The following TRIM23 variants were observed in gnomAD, a reference collection of about 807,000 sequenced individuals.
The protein encoded by TRIM23 is tripartite motif containing 23.
Under a neutral mutation model 71.0 loss-of-function variants are expected in TRIM23, and 27 were observed. That is an observed-to-expected ratio of 0.38 (90% CI 0.28 to 0.52). TRIM23 has a LOEUF of 0.52. Among genes scored for constraint, TRIM23 ranks in the 20% least tolerant of loss-of-function variants. The pLI is 0.84. For synonymous variants in TRIM23, 234 were observed against 238.0 expected, an observed-to-expected ratio of 0.98 and a Z score of 0.16; for missense variants, 482 against 692.3, an observed-to-expected ratio of 0.70 and a Z score of 3.41.
At chr5:65,615,895 G>A (rs1354218963) in intron 2 of TRIM23, among the ~76,000 whole-genome samples, 1 of 152,290 alleles carries the variant, frequency 6.6e-6, no homozygotes, top group African/African-American at 2.4e-5. Context: ...TCAGGGATTA[G>A]GGAAGACAAG....
chr5:65,591,083 T>C lies in TRIM23; in HGVS notation c.*686A>G, dbSNP rs1754009398. ...TTCCACAGTTTTATTACTGTTCAGT[T>C]TATTACTAACCTGACAAGCCTAATT... is the stretch of plus-strand genomic sequence containing the variant. On this transcript the variant is annotated 3_prime_UTR_variant, in exon 11 of 11. Transcript: ENST00000231524. 1 of 1,011,642 alleles carries C rather than the reference T, an allele frequency of 9.9e-7. No individual in the cohort carries two copies. The highest frequency in any genetic ancestry group is 1.7e-5 in the African/African-American group (1 of 57,492). The allele number at this position is 1,011,642 out of a possible 1,614,324, so 62.7% of individuals were successfully genotyped here.
intron 2 of TRIM23, among the ~76,000 whole-genome samples, chr5:65,616,641 TA>T (rs746034795): frequency 0.34 from 42,351 of 126,162 alleles, 7,600 homozygotes; most frequent in African/African-American, 0.49. Context: ...CACTCTGCTT[TA>T]AAAAAAAAAA....
In TRIM23 at chr5:65,590,109, G is replaced by A. The variant is rs1258591282; in HGVS notation, c.*1660C>T. 6.8e-6 allele frequency: 3 copies of A among 440,870 alleles called. No individual in the cohort carries two copies. Among genetic ancestry groups the A allele is most frequent in the Admixed American group, 4.2e-5 (1 of 24,012 alleles). The allele number at this position is 440,870 out of a possible 1,614,324, so 27.3% of individuals were successfully genotyped here. A position where few individuals can be genotyped will look rare whatever the true frequency, so the allele number is the denominator to read the frequency against. On this transcript the variant is annotated 3_prime_UTR_variant, in exon 11 of 11. Transcript: ENST00000231524. ...TGCATTACAAAGTTTAGCAAAATTA[G>A]TGAAAAGGGAAGCAAGTTCACCTTA...
At chr5:65,606,213 G>A (rs1461368333) in intron 6 of TRIM23, among the ~76,000 whole-genome samples, 2 of 152,136 alleles carry the variant, frequency 1.3e-5, no homozygotes, top group Non-Finnish European at 2.9e-5. Flanking sequence ...GGAGGCCAAG[G>A]CAGATGGATC....
chr5:65,617,193 A>G (rs1754799133), intron 2 of TRIM23, among the ~76,000 whole-genome samples: 1 of 151,896 alleles, frequency 6.6e-6, no homozygotes, highest in South Asian at 2.1e-4. Flanking sequence ...TAGACTATTT[A>G]TATACATCAA....
At chr5:65,600,069 G>A (rs564045265) in intron 7 of TRIM23, among the ~76,000 whole-genome samples, 1 of 152,052 alleles carries the variant, frequency 6.6e-6, no homozygotes, top group Non-Finnish European at 1.5e-5. Flanking sequence ...AAGAGAGAGG[G>A]TGGGGGAGGT....
chr5:65,605,633 T>C (rs1216604015), intron 6 of TRIM23, among the ~76,000 whole-genome samples: 2 of 152,144 alleles, frequency 1.3e-5, no homozygotes, highest in African/African-American at 4.8e-5. Context: ...TATACATGTA[T>C]TCGTTAAAAA....
At chr5:65,624,172 T>G (rs376925438) in intron 1 of TRIM23, 22 bp downstream of exon 1, 2 of 1,613,958 alleles carry the variant, frequency 1.2e-6, no homozygotes, top group African/African-American at 1.3e-5. Context: ...TGGTGGAGAA[T>G]AGAGCACGCA....
chr5:65,596,941 A>G, intron 8 of TRIM23, 110 bp downstream of exon 8: 1 of 1,356,000 alleles, frequency 7.4e-7, no homozygotes, highest in Non-Finnish European at 1.0e-6. Context: ...GATATCTTAG[A>G]GCCAGAAAAG....
intron 2 of TRIM23, among the ~76,000 whole-genome samples, chr5:65,615,434 A>G (rs1164742371): frequency 6.6e-6 from 1 of 152,172 alleles, no homozygotes; most frequent in Non-Finnish European, 1.5e-5. Flanking sequence ...AACATCTGAT[A>G]TAGCTGCCAC....
chr5:65,607,994 T>C (rs1174093239), intron 6 of TRIM23, among the ~76,000 whole-genome samples: 2 of 152,180 alleles, frequency 1.3e-5, no homozygotes, highest in Non-Finnish European at 2.9e-5. Flanking sequence ...ATTACTTGAA[T>C]AGAAAGAACT....
intron 1 of TRIM23, among the ~76,000 whole-genome samples, chr5:65,619,228 G>A (rs1174723094): frequency 2.0e-5 from 3 of 152,162 alleles, no homozygotes; most frequent in Non-Finnish European, 4.4e-5. Flanking sequence ...CAGAACATGA[G>A]AAACTGTTTC....
chr5:65,616,357 G>GT (rs1253499706), intron 2 of TRIM23, among the ~76,000 whole-genome samples: 1 of 152,108 alleles, frequency 6.6e-6, no homozygotes, highest in African/African-American at 2.4e-5. Flanking sequence ...CTTCAAAAAG[G>GT]TAGAAGAGCC....
At chr5:65,601,835 C>G (rs930204404) in intron 7 of TRIM23, among the ~76,000 whole-genome samples, 2 of 152,138 alleles carry the variant, frequency 1.3e-5, no homozygotes, top group Admixed American at 6.5e-5. Context: ...CCTCTGAAGC[C>G]ACAGCCCGAG....
In TRIM23 at chr5:65,591,288, T is replaced by C; in HGVS notation, c.*481A>G. ...ATCCAAATATGTAGTTTGGATTCTA[T>C]TTCATTAAGCAACTGTCATTTCTAC... On this transcript the variant is annotated 3_prime_UTR_variant, in exon 11 of 11. Coordinates refer to ENST00000231524, the MANE Select transcript of TRIM23 (RefSeq NM_001656.4). The C allele has an allele frequency of 7.3e-7, 1 of 1,374,846 alleles. No individual in the cohort carries two copies. Among genetic ancestry groups the C allele is most frequent in the African/African-American group, 1.5e-5 (1 of 64,994 alleles). 85.2% of individuals were successfully genotyped at this position (1,374,846 alleles called of 1,614,324 possible). A position where few individuals can be genotyped will look rare whatever the true frequency, so the allele number is the denominator to read the frequency against.
At chr5:65,609,110 C>T in intron 6 of TRIM23, 133 bp downstream of exon 6, 1 of 861,410 alleles carries the variant, frequency 1.2e-6, no homozygotes, top group Non-Finnish European at 1.8e-6. Flanking sequence ...TTCAAGGTTG[C>T]AGACCATTTC....
chr5:65,593,052 C>G (rs558100386), intron 10 of TRIM23, among the ~76,000 whole-genome samples: 95 of 152,178 alleles, frequency 6.2e-4, no homozygotes, highest in Middle Eastern at 3.4e-3. Flanking sequence ...ATCTGTCTAC[C>G]AGATATATAA....
intron 2 of TRIM23, among the ~76,000 whole-genome samples, chr5:65,615,527 T>TAA (rs11450546): frequency 4.3e-4 from 64 of 147,744 alleles, no homozygotes; most frequent in African/African-American, 7.7e-4. Flanking sequence ...TCCTGGCTCT[T>TAA]AAAAAAAAAA....
chr5:65,618,010 C>G, intron 2 of TRIM23, 83 bp downstream of exon 2: 2 of 1,352,438 alleles, frequency 1.5e-6, no homozygotes, highest in Non-Finnish European at 2.0e-6. Flanking sequence ...TTCTAAAAAT[C>G]AAGTGGAAGG....
Sources: allele counts gnomAD v4.1 joint callset (sites outside exome capture counted in the v4.1 genomes callset), GRCh38; gene constraint gnomAD v4.1.1; transcripts MANE v1.5; gene names NCBI Gene and HGNC (gene_info 2026-07-23, HGNC 2026-07-21).